MTUS1: variants seen among roughly 807,000 people sequenced by gnomAD.
The protein encoded by MTUS1 is microtubule associated scaffold protein 1, also known as microtubule-associated tumor suppressor 1.
In MTUS1, 109 loss-of-function variants were observed where a neutral mutation model predicts 120.8. The ratio of observed to expected loss-of-function variants is 0.90; its 90% CI spans 0.77 to 1.06. The LOEUF is 1.06. Among genes scored for constraint, MTUS1 ranks in the 50% least tolerant of loss-of-function variants. The pLI is 0.00. For missense variants in MTUS1, 2,210 were observed against 1,486.3 expected, an observed-to-expected ratio of 1.49 and a Z score of -8.01; for synonymous variants, 737 against 550.5, an observed-to-expected ratio of 1.34 and a Z score of -4.74.
intron 1 of MTUS1, among the ~76,000 whole-genome samples, chr8:17,790,924 T>C (rs1210196463): frequency 6.6e-6 from 1 of 151,900 alleles, no homozygotes. Context: ...GAGGTGGAGG[T>C]TGCAGTCAGC....
intron 3 of MTUS1, among the ~76,000 whole-genome samples, chr8:17,734,892 C>G (rs1375315787): frequency 6.6e-6 from 1 of 151,846 alleles, no homozygotes; most frequent in East Asian, 1.9e-4. Flanking sequence ...ATCATTGAGA[C>G]CTCAAAACTT....
intron 4 of MTUS1, among the ~76,000 whole-genome samples, chr8:17,720,767 A>G (rs924968981): frequency 2.0e-5 from 3 of 152,220 alleles, no homozygotes; most frequent in Non-Finnish European, 2.9e-5. Flanking sequence ...TAAAAACTGG[A>G]TATTAGGTAT....
intron 7 of MTUS1, among the ~76,000 whole-genome samples, chr8:17,678,961 A>C (rs990155225): frequency 6.6e-6 from 1 of 152,186 alleles, no homozygotes; most frequent in Non-Finnish European, 1.5e-5. Flanking sequence ...GAAAAAAACT[A>C]AAATAACTTT....
intron 6 of MTUS1, among the ~76,000 whole-genome samples, chr8:17,697,964 A>C (rs577690776): frequency 6.6e-6 from 1 of 152,326 alleles, no homozygotes; most frequent in African/African-American, 2.4e-5. Flanking sequence ...AACTACATTT[A>C]AACCTGGTAT....
At position 17,645,377 on chromosome 8, in the gene MTUS1, C is replaced by T. The variant is rs541884513; in HGVS notation, c.*549G>A. On this transcript the variant is annotated 3_prime_UTR_variant, in exon 15 of 15. Transcript: ENST00000693296. Reference sequence around the variant, plus strand: ...ATTGCTTTTTCTTCTATGGCTTTGGCTGAAATGTATATGCTGATTGATTGA... The same window carrying T: ...ATTGCTTTTTCTTCTATGGCTTTGGTTGAAATGTATATGCTGATTGATTGA... The T allele has an allele frequency of 6.6e-6, 1 of 152,318 alleles. No individual in the cohort carries two copies. The highest frequency in any genetic ancestry group is 2.4e-5 in the African/African-American group (1 of 41,346). The allele number at this position is 152,318 out of a possible 1,614,324, so 9.4% of individuals were successfully genotyped here.
intron 8 of MTUS1, among the ~76,000 whole-genome samples, chr8:17,667,670 A>C (rs1173002713): frequency 6.6e-6 from 1 of 152,232 alleles, no homozygotes; most frequent in East Asian, 1.9e-4. Flanking sequence ...GTTTATTTCA[A>C]ATAGTTTTCC....
intron 1 of MTUS1, among the ~76,000 whole-genome samples, chr8:17,789,956 T>C (rs886828799): frequency 3.3e-5 from 5 of 152,194 alleles, no homozygotes; most frequent in Non-Finnish European, 5.9e-5. Flanking sequence ...CCTCACCTCC[T>C]ACTTCAGTTT....
At chr8:17,724,399 A>G (rs887049006) in intron 3 of MTUS1, among the ~76,000 whole-genome samples, 12 of 152,332 alleles carry the variant, frequency 7.9e-5, no homozygotes, top group Admixed American at 2.6e-4. Context: ...AAAATCACCC[A>G]AACAGGAAGA....
rs1390291786 is a variant in MTUS1, at chr8:17,654,233, T to TC, written c.3214+327dup. The TC allele has an allele frequency of 4.4e-5, 15 of 341,782 alleles. No homozygotes were observed. In the South Asian group the frequency reaches 7.2e-4, roughly 16 times the overall value. The allele number at this position is 341,782 out of a possible 1,614,324, so 21.2% of individuals were successfully genotyped here. ...GCTGTGCAGGAGCACTTGGGGTGGA[T>TC]CCTTTACTGTGGATTACAAGATAGA... On this transcript the variant is annotated intron_variant, in intron 10 of 14. Transcript: ENST00000693296.
chr8:17,792,096 T>C (rs1399498809), intron 1 of MTUS1, among the ~76,000 whole-genome samples: 1 of 152,224 alleles, frequency 6.6e-6, no homozygotes, highest in Non-Finnish European at 1.5e-5. Flanking sequence ...CTGCACCAAA[T>C]GTCCTGGATA....
chr8:17,737,168 G>T (rs986497222), intron 3 of MTUS1, among the ~76,000 whole-genome samples: 5 of 152,124 alleles, frequency 3.3e-5, no homozygotes, highest in South Asian at 4.1e-4. Flanking sequence ...CAGACTGTGG[G>T]GCCAGAACAC....
chr8:17,679,217 T>C (rs1813755547), intron 7 of MTUS1, among the ~76,000 whole-genome samples: 1 of 149,994 alleles, frequency 6.7e-6, no homozygotes, highest in Non-Finnish European at 1.5e-5. Flanking sequence ...CACACACAAA[T>C]ACCTATATAT....
intron 8 of MTUS1, among the ~76,000 whole-genome samples, chr8:17,657,215 C>A (rs893452426): frequency 3.3e-5 from 5 of 151,010 alleles, no homozygotes; most frequent in African/African-American, 7.3e-5. Context: ...GAAAAAAAAA[C>A]ACATCTTAAA....
chr8:17,652,521 G>C (rs755500145), intron 12 of MTUS1, among the ~76,000 whole-genome samples: 1 of 151,970 alleles, frequency 6.6e-6, no homozygotes, highest in African/African-American at 2.4e-5. Context: ...ACTGCTAATG[G>C]GTCCAGGGTT....
At chr8:17,779,584 C>T (rs149009849) in intron 1 of MTUS1, among the ~76,000 whole-genome samples, 2 of 152,314 alleles carry the variant, frequency 1.3e-5, no homozygotes, top group Admixed American at 6.5e-5. Flanking sequence ...CACTCACTCT[C>T]TCTCTCACCA....
intron 1 of MTUS1, among the ~76,000 whole-genome samples, chr8:17,792,611 C>T (rs1424436376): frequency 3.3e-5 from 5 of 152,236 alleles, no homozygotes; most frequent in African/African-American, 1.2e-4. Context: ...CGCCTGTAAT[C>T]CCAGCACTTT....
At chr8:17,772,963 T>C (rs1465185420) in intron 1 of MTUS1, among the ~76,000 whole-genome samples, 2 of 152,200 alleles carry the variant, frequency 1.3e-5, no homozygotes, top group African/African-American at 4.8e-5. Flanking sequence ...CTCCCAAAGA[T>C]ACGTTCAGAA....
At position 17,658,024 on chromosome 8, in the gene MTUS1, G is replaced by GACACACACACACACACAC. The variant is rs58132896; in HGVS notation, c.2906-1977_2906-1960dup. 7.6e-3 allele frequency among the ~76,000 whole-genome samples: 1,063 copies of GACACACACACACACACAC among 140,488 alleles called. 14 individuals are homozygous for GACACACACACACACACAC. The highest frequency in any genetic ancestry group is 0.011 in the Non-Finnish European group (736 of 65,118). 92.2% of individuals were successfully genotyped at this position (140,488 alleles called of 152,430 possible). ...TACACATATATACACTATATATATA[G>GACACACACACACACACAC]ACACACACACACACACACACACACA... is the stretch of plus-strand genomic sequence containing the variant. On this transcript the variant is annotated intron_variant, in intron 8 of 14. Coordinates refer to ENST00000693296, the MANE Select transcript of MTUS1 (RefSeq NM_001363059.2).
At chr8:17,762,068 C>T (rs375269615) in intron 1 of MTUS1, among the ~76,000 whole-genome samples, 1 of 152,104 alleles carries the variant, frequency 6.6e-6, no homozygotes, top group East Asian at 1.9e-4. Flanking sequence ...TCACTTGAGG[C>T]CAGGAGTTTG....
Sources: gnomAD v4.1 joint callset for allele counts (sites outside exome capture counted in the v4.1 genomes callset) on GRCh38, gnomAD v4.1.1 for gene constraint, MANE v1.5 for transcripts, NCBI Gene and HGNC (gene_info 2026-07-23, HGNC 2026-07-21) for gene names.